The following ESRRG variants were observed in gnomAD, a reference collection of about 807,000 sequenced individuals.
ESRRG encodes the protein estrogen-related receptor gamma.
A neutral mutation model predicts 44.0 loss-of-function variants in ESRRG; 13 were observed. That is an observed-to-expected ratio of 0.30 (90% confidence interval 0.19 to 0.47). The LOEUF (loss-of-function observed/expected upper bound fraction) is 0.47, where lower values mean the gene tolerates loss of function less well. Ranked by LOEUF, ESRRG falls within the 20% of genes least tolerant of loss-of-function variation. The pLI, the probability that ESRRG is intolerant of heterozygous loss-of-function variation, is 1.00. For missense variants in ESRRG, 395 were observed against 580.6 expected (o/e 0.68, Z 3.29); for synonymous variants, 215 against 214.6 (o/e 1.00, Z -0.02).
chr1:216,781,585 C>T (rs2093937916), intron 2 of ESRRG, among the ~76,000 whole-genome samples: 1 of 152,000 alleles, frequency 6.6e-6, no homozygotes, highest in Non-Finnish European at 1.5e-5. Context: ...GAGCTTATAT[C>T]TTAGTGGACT....
chr1:216,647,893 T>A (rs2067987254), intron 3 of ESRRG, among the ~76,000 whole-genome samples: 1 of 152,208 alleles, frequency 6.6e-6, no homozygotes, highest in Non-Finnish European at 1.5e-5. Flanking sequence ...AAATCTGATT[T>A]CATTTCAGAT....
chr1:216,980,916 C>A (rs2789550), intron 1 of ESRRG, among the ~76,000 whole-genome samples: 29,423 of 148,694 alleles, frequency 0.2, 3,259 homozygotes, highest in East Asian at 0.44. Context: ...ATGCTCTTCT[C>A]TCATCCTGGA....
chr1:216,692,432 A>G (rs2079239020), intron 1 of ESRRG, among the ~76,000 whole-genome samples: 1 of 152,200 alleles, frequency 6.6e-6, no homozygotes, highest in African/African-American at 2.4e-5. Flanking sequence ...ATTAAGAAAA[A>G]AAGTACAACT....
chr1:217,122,445 T>C (rs1399530413), intron 1 of ESRRG, among the ~76,000 whole-genome samples: 3 of 152,186 alleles, frequency 2.0e-5, no homozygotes, highest in Admixed American at 2.0e-4. Context: ...TATAGGCCTG[T>C]AATGATACCT....
chr1:216,994,252 C>G (rs1473756765), intron 1 of ESRRG, among the ~76,000 whole-genome samples: 1 of 152,134 alleles, frequency 6.6e-6, no homozygotes, highest in East Asian at 1.9e-4. Context: ...GAAAAAAAAT[C>G]ATTTCAACTG....
intron 6 of ESRRG, among the ~76,000 whole-genome samples, chr1:216,516,652 C>CACAA: frequency 8.0e-6 from 1 of 125,636 alleles, no homozygotes; most frequent in East Asian, 2.0e-4. Context: ...CACACACACA[C>CACAA]ACACACACAC....
At chr1:217,126,585 T>G (rs2092893577) in intron 1 of ESRRG, among the ~76,000 whole-genome samples, 1 of 152,078 alleles carries the variant, frequency 6.6e-6, no homozygotes, top group African/African-American at 2.4e-5. Context: ...ATTAAAATAT[T>G]TCTTCTGCTT....
At chr1:217,114,014 A>AG (rs1291469182) in intron 1 of ESRRG, among the ~76,000 whole-genome samples, 3 of 151,860 alleles carry the variant, frequency 2.0e-5, no homozygotes, top group African/African-American at 2.4e-5. Flanking sequence ...GAAAAAAAAA[A>AG]GGAAATTGGA....
chr1:217,018,334 T>C (rs1434327065), intron 1 of ESRRG, among the ~76,000 whole-genome samples: 1 of 152,186 alleles, frequency 6.6e-6, no homozygotes, highest in East Asian at 1.9e-4. Flanking sequence ...GACAGTCTCC[T>C]AGACTGGTCC....
At chr1:216,576,477 G>A (rs1375943447) in intron 3 of ESRRG, among the ~76,000 whole-genome samples, 2 of 151,954 alleles carry the variant, frequency 1.3e-5, no homozygotes, top group African/African-American at 4.8e-5. Flanking sequence ...TAGCTATCTG[G>A]ACTATTAAAC....
rs1339271084 is a variant in ESRRG at position 217,094,776 on chromosome 1, T to C, written c.-230+42891A>G. 8.5e-5 allele frequency among the ~76,000 whole-genome samples: 13 copies of C among 152,348 alleles called. No individual in the cohort carries two copies. The South Asian group carries it at 1.9e-3, about 22-fold the overall frequency. Reference sequence around the variant, plus strand: ...GTGAAGAGCAGAATTGAGTTGGCTATACAAATAAACTGCCCTCTCCACAGA... The same window carrying C: ...GTGAAGAGCAGAATTGAGTTGGCTACACAAATAAACTGCCCTCTCCACAGA... On this transcript the variant is annotated intron_variant, in intron 1 of 8. Transcript: ENST00000366940.
At chr1:216,762,126 C>A (rs1205251623) in intron 2 of ESRRG, among the ~76,000 whole-genome samples, 2 of 152,042 alleles carry the variant, frequency 1.3e-5, no homozygotes, top group Non-Finnish European at 1.5e-5. Flanking sequence ...GTGTAAATTG[C>A]CCAAGGCTCT....
chr1:216,723,735 C>CTT (rs561469324), upstream of ESRRG, among the ~76,000 whole-genome samples: 1 of 149,412 alleles, frequency 6.7e-6, no homozygotes. Context: ...CTCTCTCTTT[C>CTT]TTTTTTTTTT....
rs191205650 is a variant in ESRRG at position 217,056,458 on chromosome 1, A to C, written c.-106+33049T>G. ...ACTAAAACAAATGCAAAAGTATGCA[A>C]GACTTTTTCCACTTCTGGGCTGACT... On this transcript the variant is annotated intron_variant, in intron 1 of 7. Coordinates refer to the ESRRG transcript ENST00000359162. Among the ~76,000 whole-genome samples, 269 of 152,152 alleles carry C rather than the reference A, an allele frequency of 1.8e-3. 3 individuals are homozygous for C. The highest frequency in any genetic ancestry group is 6.3e-3 in the African/African-American group (261 of 41,496).
rs2076251919 is a variant in ESRRG, at chr1:216,677,226, T to C, written c.322A>G (p.Ile108Val). 2 of 1,614,146 alleles carry C rather than the reference T, an allele frequency of 1.2e-6. No homozygotes were observed. Among genetic ancestry groups the C allele is most frequent in the South Asian group, 1.1e-5 (1 of 91,076 alleles). Residue 108 changes from isoleucine to valine, a missense_variant, in exon 2 of 7, where the codon ATT becomes GTT. Physicochemically the swap from Ile to Val is conservative, Grantham distance 29. Around this residue, in one of 5 missense-constraint regions of ESRRG, gnomAD observed 148 missense variants for 150.4 expected, o/e 0.98. Coordinates refer to ENST00000408911, the MANE Select transcript of ESRRG (RefSeq NM_001438.4). ...CACTTGGTCTGGGGATCTTCAACAATGGTGCTGGAGCAGTCATCATACAGT... is the reference window on the plus strand; with the variant it reads ...CACTTGGTCTGGGGATCTTCAACAACGGTGCTGGAGCAGTCATCATACAGT... ...RKLYDDCSST[I>V]VEDPQTKCEY...
chr1:216,647,747 G>T (rs970383447), intron 3 of ESRRG, among the ~76,000 whole-genome samples: 1 of 152,078 alleles, frequency 6.6e-6, no homozygotes, highest in African/African-American at 2.4e-5. Context: ...TTAAAACAGT[G>T]TAATTCTCAT....
At chr1:217,114,927 T>C (rs1196342262) in intron 1 of ESRRG, among the ~76,000 whole-genome samples, 1 of 152,108 alleles carries the variant, frequency 6.6e-6, no homozygotes, top group Non-Finnish European at 1.5e-5. Flanking sequence ...CCTCCCAAAG[T>C]GCTGGGATTA....
chr1:216,946,204 T>C (rs2066029844), intron 1 of ESRRG, among the ~76,000 whole-genome samples: 2 of 152,168 alleles, frequency 1.3e-5, no homozygotes, highest in South Asian at 4.1e-4. Context: ...AGCCTCAGCT[T>C]GTGTTCCAAA....
intron 3 of ESRRG, among the ~76,000 whole-genome samples, chr1:216,619,164 T>C (rs1450162617): frequency 1.3e-5 from 2 of 152,212 alleles, no homozygotes; most frequent in African/African-American, 4.8e-5. Context: ...TTCCTAATAT[T>C]GCACAGTTCT....
Sources: gnomAD v4.1 joint callset for allele counts (sites outside exome capture counted in the v4.1 genomes callset) on GRCh38, gnomAD v4.1.1 for gene constraint, gnomAD v4.1.1 regional missense constraint, MANE v1.5 for transcripts, NCBI Gene and HGNC (gene_info 2026-07-23, HGNC 2026-07-21) for gene names.